PHF20: variants seen among roughly 807,000 people sequenced by gnomAD.
PHF20 encodes the protein PHD finger protein 20.
Under a neutral mutation model 113.5 loss-of-function variants are expected in PHF20, and 23 were observed. The observed-to-expected ratio is 0.20, with a 90% CI of 0.15 to 0.29. The LOEUF (loss-of-function observed/expected upper bound fraction) is 0.29, where lower values mean the gene tolerates loss of function less well. Ranked by LOEUF, PHF20 falls within the 10% of genes least tolerant of loss-of-function variation. The pLI is 1.00. For synonymous variants in PHF20, 434 were observed against 457.3 expected (o/e 0.95, Z 0.65); for missense variants, 943 against 1,219.6 (o/e 0.77, Z 3.38).
intron 12 of PHF20, among the ~76,000 whole-genome samples, chr20:35,914,777 A>C (rs2055370645): frequency 1.3e-5 from 2 of 152,096 alleles, no homozygotes; most frequent in Middle Eastern, 3.4e-3. Context: ...CAGCCTGGCC[A>C]ACATGGTGAA....
intron 13 of PHF20, among the ~76,000 whole-genome samples, chr20:35,921,384 C>T (rs2055508466): frequency 6.6e-6 from 1 of 151,726 alleles, no homozygotes; most frequent in South Asian, 2.1e-4. Context: ...CTCTCTGAAG[C>T]CCTGTGGACT....
At chr20:35,841,047 A>G (rs879641789) in intron 2 of PHF20, among the ~76,000 whole-genome samples, 2 of 152,236 alleles carry the variant, frequency 1.3e-5, no homozygotes, top group East Asian at 3.9e-4. Flanking sequence ...TTTAAAAAGT[A>G]AGTCAGGTGT....
chr20:35,858,203 C>T, intron 4 of PHF20, 99 bp from the exon 5 acceptor site: 1 of 664,554 alleles, frequency 1.5e-6, no homozygotes, highest in Non-Finnish European at 2.7e-6. Context: ...CTCCTATAAG[C>T]TTATTATGTG....
chr20:35,940,016 G>T (rs1026817358), intron 16 of PHF20, among the ~76,000 whole-genome samples: 4 of 152,170 alleles, frequency 2.6e-5, no homozygotes, highest in African/African-American at 9.7e-5. Flanking sequence ...ATTCTGAGCG[G>T]GTTACTTCAC....
intron 2 of PHF20, among the ~76,000 whole-genome samples, chr20:35,805,262 G>A (rs1420961389): frequency 6.6e-6 from 1 of 151,614 alleles, no homozygotes; most frequent in Non-Finnish European, 1.5e-5. Context: ...GCAGTGGTGG[G>A]AACAGAGCTC....
chr20:35,850,802 A>T, intron 4 of PHF20: 1 of 864,040 alleles, frequency 1.2e-6, no homozygotes, highest in South Asian at 1.3e-5. Context: ...ATACAGTATT[A>T]CCATATTTGT....
intron 10 of PHF20, among the ~76,000 whole-genome samples, chr20:35,905,638 T>G (rs73284907): frequency 0.011 from 1,704 of 152,330 alleles, 23 homozygotes; most frequent in African/African-American, 0.038. Context: ...TATCTGTTGT[T>G]TAAGCCACAT....
chr20:35,840,693 G>A (rs1391967664), intron 2 of PHF20, among the ~76,000 whole-genome samples: 1 of 152,138 alleles, frequency 6.6e-6, no homozygotes, highest in East Asian at 1.9e-4. Context: ...GAGCTTGTGA[G>A]AGCTCTTAGG....
At chr20:35,900,937 A>G (rs1388171079) in intron 10 of PHF20, among the ~76,000 whole-genome samples, 1 of 152,194 alleles carries the variant, frequency 6.6e-6, no homozygotes, top group Non-Finnish European at 1.5e-5. Flanking sequence ...ATGGTATTTG[A>G]GGTCAGGACA....
chr20:35,882,985 G>A (rs759177957), intron 9 of PHF20, among the ~76,000 whole-genome samples: 1 of 147,480 alleles, frequency 6.8e-6, no homozygotes, highest in Non-Finnish European at 1.5e-5. Context: ...CCAAGATCAC[G>A]TTATTGCACT....
At chr20:35,928,684 T>G (rs1462540328) in intron 14 of PHF20, 4 of 152,198 alleles carry the variant, frequency 2.6e-5, no homozygotes, top group Non-Finnish European at 5.9e-5. Context: ...ACCTTTTCCT[T>G]TTCTTGAGGA....
intron 1 of PHF20, among the ~76,000 whole-genome samples, chr20:35,776,648 C>T (rs993144124): frequency 6.6e-6 from 1 of 152,186 alleles, no homozygotes; most frequent in Admixed American, 6.5e-5. Flanking sequence ...TGTTGCCAGC[C>T]CTAATCAGGA....
intron 1 of PHF20, among the ~76,000 whole-genome samples, chr20:35,779,025 T>G (rs192431418): frequency 8.0e-4 from 122 of 151,922 alleles, no homozygotes; most frequent in Non-Finnish European, 1.5e-3. Context: ...GGTTTTTTTT[T>G]GTTTTGTTTT....
chr20:35,928,387 C>T (rs978606177), intron 14 of PHF20, among the ~76,000 whole-genome samples: 16 of 143,664 alleles, frequency 1.1e-4, no homozygotes, highest in East Asian at 8.1e-4. Context: ...TGCAGTGAGC[C>T]GAGATCATGC....
chr20:35,776,227 T>C (rs1278171887), intron 1 of PHF20, among the ~76,000 whole-genome samples: 1 of 152,220 alleles, frequency 6.6e-6, no homozygotes, highest in East Asian at 1.9e-4. Context: ...CATCCTACCA[T>C]GAGTAGGGAG....
chr20:35,772,945 G>T (rs1219963165), intron 1 of PHF20, among the ~76,000 whole-genome samples: 1 of 152,136 alleles, frequency 6.6e-6, no homozygotes, highest in Non-Finnish European at 1.5e-5. Context: ...TCAAACCTGA[G>T]GTTGGGCCGA....
intron 1 of PHF20, among the ~76,000 whole-genome samples, chr20:35,772,308 C>G (rs2041074348): frequency 6.6e-6 from 1 of 151,614 alleles, no homozygotes. Flanking sequence ...GGGCTACCCG[C>G]AAGAGTGGCG....
intron 2 of PHF20, among the ~76,000 whole-genome samples, chr20:35,835,789 G>C (rs1047341966): frequency 2.6e-5 from 4 of 152,150 alleles, no homozygotes; most frequent in Non-Finnish European, 5.9e-5. Context: ...AATTAGCCAG[G>C]CGTGGTGGCG....
intron 4 of PHF20, among the ~76,000 whole-genome samples, chr20:35,856,732 T>C (rs1388142390): frequency 1.3e-5 from 2 of 152,148 alleles, no homozygotes; most frequent in African/African-American, 4.8e-5. Flanking sequence ...CTGTTGTGGG[T>C]ATTTGAGCCA....
Sources: allele counts gnomAD v4.1 joint callset (sites outside exome capture counted in the v4.1 genomes callset), GRCh38; gene constraint gnomAD v4.1.1; transcripts MANE v1.5; gene names NCBI Gene and HGNC (gene_info 2026-07-23, HGNC 2026-07-21).